The following CCDC66 variants were observed in gnomAD, a reference collection of about 807,000 sequenced individuals.
CCDC66 encodes the protein coiled-coil domain-containing protein 66.
In CCDC66, 133 loss-of-function variants were observed where a neutral mutation model predicts 128.3. That is an observed-to-expected ratio of 1.04 (90% CI 0.90 to 1.20). The LOEUF (loss-of-function observed/expected upper bound fraction) is 1.20. CCDC66 is among the 50% of genes most tolerant of loss of function. The pLI is 0.00. For missense variants in CCDC66, 1,126 were observed against 1,075.5 expected (o/e 1.05, Z -0.66); for synonymous variants, 387 against 357.0 (o/e 1.08, Z -0.95).
intron 10 of CCDC66, among the ~76,000 whole-genome samples, chr3:56,609,149 A>G (rs964435041): frequency 6.6e-6 from 1 of 152,088 alleles, no homozygotes; most frequent in Non-Finnish European, 1.5e-5. Flanking sequence ...GTTTAAATCC[A>G]TTGTTTCTTT....
intron 10 of CCDC66, among the ~76,000 whole-genome samples, chr3:56,606,326 A>G (rs1337303125): frequency 6.6e-6 from 1 of 151,906 alleles, no homozygotes; most frequent in Non-Finnish European, 1.5e-5. Flanking sequence ...TGGGGTATGG[A>G]AAAAAAACTC....
At chr3:56,578,621 A>T (rs1264299028) in intron 7 of CCDC66, among the ~76,000 whole-genome samples, 1 of 151,560 alleles carries the variant, frequency 6.6e-6, no homozygotes, top group Non-Finnish European at 1.5e-5. Context: ...AGCATGAAGG[A>T]GTGTTGAATT....
At chr3:56,575,150 A>G (rs1559638111) in intron 7 of CCDC66, among the ~76,000 whole-genome samples, 1 of 151,570 alleles carries the variant, frequency 6.6e-6, no homozygotes, top group Non-Finnish European at 1.5e-5. Flanking sequence ...GTGTTAAACT[A>G]TTTTGTGTTA....
At chr3:56,580,092 C>T (rs1326194088) in intron 7 of CCDC66, among the ~76,000 whole-genome samples, 1 of 151,736 alleles carries the variant, frequency 6.6e-6, no homozygotes, top group Non-Finnish European at 1.5e-5. Context: ...TCTGGGTGCT[C>T]CTGTATTGGT....
intron 4 of CCDC66, 122 bp downstream of exon 4, chr3:56,564,247 A>G (rs1381984899): frequency 1.5e-6 from 1 of 687,882 alleles, no homozygotes; most frequent in East Asian, 2.8e-5. Context: ...TCAATCTATT[A>G]AAATAATTGT....
Position 56,563,941 on chromosome 3 carries a change from G to A in CCDC66, c.360G>A (p.Lys120=), listed in dbSNP as rs1208412383. 8 of 1,613,838 alleles carry A rather than the reference G, an allele frequency of 5.0e-6. No homozygotes were observed. Among genetic ancestry groups the A allele is most frequent in the African/African-American group, 4.0e-5 (3 of 75,050 alleles). ...EISPATPNMQ[K]TRNTVNTSLV... is the part of the protein sequence containing the mutation. ...CACCTGCAACCCCTAATATGCAGAA[G>A]ACTAGAAACACCGTAAATACATCTC... The change falls in exon 4 of 18, where the codon AAG becomes AAA. Residue 120 remains lysine, a synonymous_variant. Transcript: ENST00000394672.
At chr3:56,615,480 T>C (rs2075376011) in intron 12 of CCDC66, 1 of 484,842 alleles carries the variant, frequency 2.1e-6, no homozygotes, top group South Asian at 3.4e-5. Flanking sequence ...TTCAGATGAC[T>C]CTCCCACCTT....
At chr3:56,606,999 A>G (rs1055231299) in intron 10 of CCDC66, among the ~76,000 whole-genome samples, 3 of 152,104 alleles carry the variant, frequency 2.0e-5, no homozygotes, top group Non-Finnish European at 4.4e-5. Context: ...CCATTGGTCT[A>G]TGTGCCTATT....
chr3:56,606,333 A>AT (rs1304671594), intron 10 of CCDC66, among the ~76,000 whole-genome samples: 1 of 151,292 alleles, frequency 6.6e-6, no homozygotes, highest in Non-Finnish European at 1.5e-5. Context: ...TGGAAAAAAA[A>AT]CTCCTACAGT....
In CCDC66 at chr3:56,561,290, C is replaced by T. The variant is rs180887018; in HGVS notation, c.102+1696C>T. ...GTTATAGAAGCCACATTTGTGAAGA[C>T]ATTTTATTGTCATTTTAACCAACTC... is the stretch of plus-strand genomic sequence containing the variant. On this transcript the variant is annotated intron_variant, in intron 3 of 17. Coordinates refer to ENST00000394672, the MANE Select transcript of CCDC66 (RefSeq NM_001141947.3). 38 of 456,630 alleles carry T rather than the reference C, an allele frequency of 8.3e-5. No homozygotes were observed. In the East Asian group the frequency reaches 1.6e-3, roughly 19 times the overall value. 28.3% of individuals were successfully genotyped at this position (456,630 alleles called of 1,614,324 possible).
At chr3:56,586,141 A>G (rs1030645906) in intron 7 of CCDC66, among the ~76,000 whole-genome samples, 3 of 151,976 alleles carry the variant, frequency 2.0e-5, no homozygotes, top group Non-Finnish European at 4.4e-5. Context: ...TTGTTAGAAT[A>G]TTGTGCAAAG....
intron 10 of CCDC66, among the ~76,000 whole-genome samples, chr3:56,608,609 T>C (rs1457397486): frequency 5.3e-5 from 5 of 93,962 alleles, no homozygotes; most frequent in Admixed American, 3.4e-4. Flanking sequence ...CAATTTCATT[T>C]AGTTCTGCTC....
intron 7 of CCDC66, among the ~76,000 whole-genome samples, chr3:56,591,817 G>T (rs774385860): frequency 6.6e-6 from 1 of 152,110 alleles, no homozygotes; most frequent in African/African-American, 2.4e-5. Context: ...TAAACTATGA[G>T]CTTTGTGATC....
At chr3:56,557,662 G>A in intron 1 of CCDC66, 1 of 194,786 alleles carries the variant, frequency 5.1e-6, no homozygotes, top group Non-Finnish European at 1.1e-5. Context: ...ATGTTGAAAC[G>A]CCCAAATTCG....
intron 7 of CCDC66, among the ~76,000 whole-genome samples, chr3:56,578,612 G>T (rs1666096160): frequency 1.3e-5 from 2 of 151,768 alleles, no homozygotes; most frequent in Admixed American, 1.3e-4. Context: ...AGAGTTTTTA[G>T]CATGAAGGAG....
At chr3:56,574,815 A>C (rs1245789468) in intron 7 of CCDC66, among the ~76,000 whole-genome samples, 1 of 151,840 alleles carries the variant, frequency 6.6e-6, no homozygotes, top group Non-Finnish European at 1.5e-5. Context: ...TAACTGGCTT[A>C]TTTCACTTAG....
intron 3 of CCDC66, chr3:56,560,975 A>G: frequency 2.2e-6 from 1 of 454,780 alleles, no homozygotes; most frequent in Non-Finnish European, 4.4e-6. Context: ...TAAGGTGAAG[A>G]AGTTGCTGGA....
chr3:56,584,566 G>A (rs938146252), intron 7 of CCDC66, among the ~76,000 whole-genome samples: 1 of 151,266 alleles, frequency 6.6e-6, no homozygotes, highest in African/African-American at 2.4e-5. Flanking sequence ...TCACTTCCCA[G>A]ATGGGATGGC....
intron 7 of CCDC66, among the ~76,000 whole-genome samples, chr3:56,591,944 T>C (rs1356915620): frequency 6.6e-6 from 1 of 152,264 alleles, no homozygotes; most frequent in African/African-American, 2.4e-5. Flanking sequence ...ATGAAATGTT[T>C]TGTTGTTTGC....
Sources: gnomAD v4.1 joint callset for allele counts (sites outside exome capture counted in the v4.1 genomes callset) on GRCh38, gnomAD v4.1.1 for gene constraint, MANE v1.5 for transcripts, NCBI Gene and HGNC (gene_info 2026-07-23, HGNC 2026-07-21) for gene names.